Variants in SARNP observed in about 807,000 individuals in gnomAD.
The protein encoded by SARNP is SAP domain-containing ribonucleoprotein.
Under a neutral mutation model 38.1 loss-of-function variants are expected in SARNP, and 5 were observed. That is an observed-to-expected ratio of 0.13 (90% CI 0.07 to 0.28). SARNP has a LOEUF of 0.28. Ranked by LOEUF, SARNP falls within the 10% of genes least tolerant of loss-of-function variation. The pLI, the probability that SARNP is intolerant of heterozygous loss-of-function variation, is 1.00. For missense variants in SARNP, 180 were observed against 243.9 expected, an observed-to-expected ratio of 0.74 and a Z score of 1.75; for synonymous variants, 84 against 80.6, an observed-to-expected ratio of 1.04 and a Z score of -0.23.
intron 4 of SARNP, among the ~76,000 whole-genome samples, chr12:55,799,313 G>A (rs1422316551): frequency 6.6e-6 from 1 of 152,122 alleles, no homozygotes; most frequent in Non-Finnish European, 1.5e-5. Flanking sequence ...AGGACTCAAC[G>A]GCTCTTAATG....
chr12:55,798,276 C>T (rs1355595752), intron 4 of SARNP, among the ~76,000 whole-genome samples: 3 of 152,138 alleles, frequency 2.0e-5, no homozygotes, highest in African/African-American at 4.8e-5. Flanking sequence ...GCAGGTGGAT[C>T]GCTTTGAGCT....
intron 1 of SARNP, among the ~76,000 whole-genome samples, chr12:55,808,881 TA>T (rs1464344195): frequency 6.6e-6 from 1 of 152,238 alleles, no homozygotes; most frequent in Admixed American, 6.5e-5. Context: ...TTTTAAAACT[TA>T]AAATAGGAAC....
At chr12:55,816,699 CACAA>C (rs1225738791) in intron 1 of SARNP, among the ~76,000 whole-genome samples, 1 of 152,146 alleles carries the variant, frequency 6.6e-6, no homozygotes, top group African/African-American at 2.4e-5. Flanking sequence ...CTTGTGAAAC[CACAA>C]ACAGACAATT....
At chr12:55,796,654 C>T (rs1293230158) in intron 4 of SARNP, among the ~76,000 whole-genome samples, 1 of 152,168 alleles carries the variant, frequency 6.6e-6, no homozygotes, top group Non-Finnish European at 1.5e-5. Context: ...CCACCCACCT[C>T]GGCCTCCCAA....
At chr12:55,778,257 G>C (rs990919652) in intron 9 of SARNP, among the ~76,000 whole-genome samples, 1 of 152,000 alleles carries the variant, frequency 6.6e-6, no homozygotes, top group Non-Finnish European at 1.5e-5. Flanking sequence ...AGCAATTCTC[G>C]TGATTCAGCC....
intron 9 of SARNP, among the ~76,000 whole-genome samples, chr12:55,774,078 C>T (rs1441676212): frequency 2.0e-5 from 3 of 152,058 alleles, no homozygotes; most frequent in South Asian, 2.1e-4. Context: ...AACCATAGCT[C>T]GCTGCAGCCT....
chr12:55,776,035 T>C (rs1879171839), intron 9 of SARNP, among the ~76,000 whole-genome samples: 1 of 152,130 alleles, frequency 6.6e-6, no homozygotes, highest in African/African-American at 2.4e-5. Context: ...TTTCCTCCCA[T>C]ACAGACTCTG....
chr12:55,784,372 G>A (rs1227572947), intron 9 of SARNP, among the ~76,000 whole-genome samples: 2 of 152,116 alleles, frequency 1.3e-5, no homozygotes, highest in Non-Finnish European at 2.9e-5. Context: ...CAAACGCTAC[G>A]TAGCAACTCA....
At chr12:55,803,789 G>A in intron 1 of SARNP, 61 bp from the exon 2 acceptor site, 1 of 1,084,866 alleles carries the variant, frequency 9.2e-7, no homozygotes, top group Non-Finnish European at 1.4e-6. Context: ...TGAATAAAAT[G>A]GTAGTTCCCA....
intron 4 of SARNP, among the ~76,000 whole-genome samples, chr12:55,798,697 T>A (rs1165528240): frequency 6.6e-6 from 1 of 152,178 alleles, no homozygotes; most frequent in East Asian, 1.9e-4. Flanking sequence ...ACTGGTGAAA[T>A]AAATTACTGT....
intron 9 of SARNP, among the ~76,000 whole-genome samples, chr12:55,781,098 T>C (rs1879327190): frequency 6.6e-6 from 1 of 152,182 alleles, no homozygotes; most frequent in Non-Finnish European, 1.5e-5. Context: ...GGTGGGAGAA[T>C]AGAAGACAGA....
chr12:55,812,858 A>C (rs1177221980), intron 1 of SARNP, among the ~76,000 whole-genome samples: 1 of 152,234 alleles, frequency 6.6e-6, no homozygotes, highest in Non-Finnish European at 1.5e-5. Context: ...GGATACAGGG[A>C]AATAATCATG....
chr12:55,800,470 G>A (rs1879944636), intron 4 of SARNP, 92 bp downstream of exon 4: 1 of 907,922 alleles, frequency 1.1e-6, no homozygotes, highest in South Asian at 1.7e-5. Flanking sequence ...AGGCCAATGG[G>A]AACATGTAAG....
At chr12:55,776,489 C>T (rs980768100) in intron 9 of SARNP, among the ~76,000 whole-genome samples, 11 of 152,224 alleles carry the variant, frequency 7.2e-5, no homozygotes, top group African/African-American at 2.4e-4. Flanking sequence ...CGCCTACATA[C>T]TTTAAATCAT....
At chr12:55,791,892 G>C (rs774778275) in intron 7 of SARNP, among the ~76,000 whole-genome samples, 13 of 152,086 alleles carry the variant, frequency 8.5e-5, no homozygotes, top group Non-Finnish European at 1.5e-4. Flanking sequence ...ATAGTTCTAA[G>C]ATGTCAGAAT....
intron 9 of SARNP, among the ~76,000 whole-genome samples, chr12:55,774,301 T>G (rs1056997862): frequency 6.6e-6 from 1 of 151,394 alleles, no homozygotes; most frequent in Non-Finnish European, 1.5e-5. Flanking sequence ...TGTACCACAT[T>G]TGTTCATTTC....
intron 9 of SARNP, among the ~76,000 whole-genome samples, chr12:55,774,575 C>CAAAA (rs1187594580): frequency 1.5e-4 from 6 of 41,204 alleles, no homozygotes; most frequent in African/African-American, 7.5e-4. Context: ...AAAAAAAAAA[C>CAAAA]AAACAAAAAA....
At position 55,794,895 on chromosome 12, in the gene SARNP, A is replaced by C; in HGVS notation, c.304-15T>G. 1 of 1,534,384 alleles carries C rather than the reference A, an allele frequency of 6.5e-7. No individual in the cohort carries two copies. The highest frequency in any genetic ancestry group is 1.1e-5 in the South Asian group (1 of 88,404). On this transcript the variant is annotated splice_polypyrimidine_tract_variant and intron_variant, in intron 5 of 10. Coordinates refer to ENST00000336133, the MANE Select transcript of SARNP (RefSeq NM_033082.4). ...TTCTGCATTCTCTAAGTAAAAATAG[A>C]CAAAAGGGAGAAAAAAAAGTCAATT...
At chr12:55,815,121 T>C (rs149030163) in intron 1 of SARNP, among the ~76,000 whole-genome samples, 1 of 152,102 alleles carries the variant, frequency 6.6e-6, no homozygotes, top group Non-Finnish European at 1.5e-5. Flanking sequence ...GGAGCAATTA[T>C]CACACAGCTG....
Sources: allele counts gnomAD v4.1 joint callset (sites outside exome capture counted in the v4.1 genomes callset), GRCh38; gene constraint gnomAD v4.1.1; transcripts MANE v1.5; gene names NCBI Gene and HGNC (gene_info 2026-07-23, HGNC 2026-07-21).